The following MGAT4C variants were observed in gnomAD, a reference collection of about 807,000 sequenced individuals.
MGAT4C encodes MGAT4 family member C, also known as alpha-1,3-mannosyl-glycoprotein 4-beta-N-acetylglucosaminyltransferase C.
Under a neutral mutation model 40.1 loss-of-function variants are expected in MGAT4C, and 19 were observed. The observed-to-expected ratio is 0.47, with a 90% CI of 0.33 to 0.70. The LOEUF is 0.70. MGAT4C is among the 30% of genes least tolerant of loss of function. The pLI is 0.02. For synonymous variants in MGAT4C, 181 were observed against 187.1 expected (o/e 0.97, Z 0.27); for missense variants, 491 against 563.2 (o/e 0.87, Z 1.30).
chr12:86,793,283 G>A (rs1261259879), intron 1 of MGAT4C, among the ~76,000 whole-genome samples: 1 of 152,116 alleles, frequency 6.6e-6, no homozygotes. Flanking sequence ...CAGAAAAGAA[G>A]TGATTTATGG....
At chr12:86,228,546 A>C (rs2136007303) in intron 1 of MGAT4C, among the ~76,000 whole-genome samples, 1 of 151,956 alleles carries the variant, frequency 6.6e-6, no homozygotes, top group South Asian at 2.1e-4. Flanking sequence ...TTTTGGGGAG[A>C]AGCAGGAATC....
At chr12:86,553,831 C>T (rs936490938) in intron 2 of MGAT4C, among the ~76,000 whole-genome samples, 3 of 152,106 alleles carry the variant, frequency 2.0e-5, no homozygotes, top group Non-Finnish European at 4.4e-5. Context: ...CTACTTCACT[C>T]ATCTAAGCAT....
chr12:86,749,165 C>T (rs757462005), intron 1 of MGAT4C, among the ~76,000 whole-genome samples: 5 of 151,488 alleles, frequency 3.3e-5, no homozygotes, highest in African/African-American at 1.2e-4. Context: ...ATAATTGAAT[C>T]GTGGTTTTTC....
At chr12:86,424,043 T>C (rs898755133) in intron 3 of MGAT4C, among the ~76,000 whole-genome samples, 4 of 152,184 alleles carry the variant, frequency 2.6e-5, no homozygotes, top group African/African-American at 4.8e-5. Context: ...GGCCTGGTTA[T>C]TTGTGTAAGG....
intron 1 of MGAT4C, among the ~76,000 whole-genome samples, chr12:86,236,569 G>T (rs1951556313): frequency 6.6e-6 from 1 of 151,888 alleles, no homozygotes; most frequent in Non-Finnish European, 1.5e-5. Context: ...ACAAAACCAA[G>T]TGCCAAAAAG....
intron 2 of MGAT4C, among the ~76,000 whole-genome samples, chr12:86,502,077 A>G (rs548780994): frequency 6.6e-6 from 1 of 152,260 alleles, no homozygotes; most frequent in Admixed American, 6.6e-5. Context: ...ACATAATTCA[A>G]CAAGATGTCC....
chr12:86,309,042 A>G (rs1954007858), intron 4 of MGAT4C, among the ~76,000 whole-genome samples: 1 of 150,610 alleles, frequency 6.6e-6, no homozygotes, highest in Non-Finnish European at 1.5e-5. Context: ...TTCTGCTTCC[A>G]TAATAATGAT....
In MGAT4C at chr12:86,037,968, C is replaced by T. The variant is rs556870037; in HGVS notation, c.-7+11706G>A. 6.7e-5 allele frequency among the ~76,000 whole-genome samples: 10 copies of T among 149,282 alleles called. 1 individual carries two copies. The highest frequency in any genetic ancestry group is 1.9e-4 in the East Asian group (1 of 5,148). On this transcript the variant is annotated intron_variant, in intron 2 of 4. Coordinates refer to ENST00000611864, the MANE Select transcript of MGAT4C (RefSeq NM_001351288.2). ...ACCCAACACCAGGTCATGGGGGTGA[C>T]GAAGTCCAGTGGAGTCAAAGGAATG...
chr12:85,964,616 C>A lies in MGAT4C; in HGVS notation c.*14673G>T, dbSNP rs1037182116. 2.6e-5 allele frequency: 4 copies of A among 152,100 alleles called. No individual in the cohort carries two copies. The highest frequency in any genetic ancestry group is 5.9e-5 in the Non-Finnish European group (4 of 68,016). The allele number at this position is 152,100 out of a possible 1,614,324, so 9.4% of individuals were successfully genotyped here. A position where few individuals can be genotyped will look rare whatever the true frequency, so the allele number is the denominator to read the frequency against. On this transcript the variant is annotated 3_prime_UTR_variant, in exon 5 of 5. Transcript: ENST00000611864. ...TTTAAGGAAGGTAAGATACTCTTAT[C>A]CTACATATACGCCAGAAAAATTGCT...
chr12:86,100,216 C>A (rs1291796497), intron 1 of MGAT4C, among the ~76,000 whole-genome samples: 1 of 151,360 alleles, frequency 6.6e-6, no homozygotes, highest in East Asian at 1.9e-4. Flanking sequence ...ATTACTGTTA[C>A]AATGCATTGG....
intron 1 of MGAT4C, among the ~76,000 whole-genome samples, chr12:86,829,835 A>C (rs1566019802): frequency 6.7e-6 from 1 of 150,234 alleles, no homozygotes; most frequent in Non-Finnish European, 1.5e-5. Flanking sequence ...CCTCACAATA[A>C]CTTGACTATT....
At chr12:86,151,526 C>T (rs987548266) in intron 1 of MGAT4C, among the ~76,000 whole-genome samples, 10 of 151,722 alleles carry the variant, frequency 6.6e-5, no homozygotes, top group Admixed American at 2.6e-4. Context: ...GGCAGGAGAA[C>T]GGCGTGAACC....
intron 4 of MGAT4C, among the ~76,000 whole-genome samples, chr12:86,272,114 A>G (rs979934540): frequency 2.0e-5 from 3 of 152,222 alleles, no homozygotes; most frequent in Non-Finnish European, 4.4e-5. Context: ...TAACAAAAAT[A>G]TACTGGGGCT....
intron 1 of MGAT4C, among the ~76,000 whole-genome samples, chr12:86,768,709 C>T (rs550591982): frequency 4.6e-5 from 7 of 152,096 alleles, no homozygotes; most frequent in South Asian, 2.1e-4. Flanking sequence ...TCAGAAATAA[C>T]GCCGCATATC....
intron 2 of MGAT4C, among the ~76,000 whole-genome samples, chr12:86,023,671 C>T (rs1209607919): frequency 2.7e-5 from 4 of 150,334 alleles, no homozygotes; most frequent in Non-Finnish European, 5.9e-5. Context: ...TGCATCCAAG[C>T]TTCAAATAGA....
At chr12:86,286,392 G>C (rs1953352689) in intron 4 of MGAT4C, among the ~76,000 whole-genome samples, 1 of 152,096 alleles carries the variant, frequency 6.6e-6, no homozygotes, top group South Asian at 2.1e-4. Context: ...TTTCAAAATT[G>C]GTAGTACTTA....
chr12:86,502,697 C>A (rs897541423), intron 2 of MGAT4C, among the ~76,000 whole-genome samples: 1 of 141,654 alleles, frequency 7.1e-6, no homozygotes, highest in African/African-American at 2.6e-5. Flanking sequence ...CATATATATA[C>A]ACGAGATCTG....
At chr12:86,342,498 G>A (rs1274668332) in intron 3 of MGAT4C, among the ~76,000 whole-genome samples, 4 of 152,066 alleles carry the variant, frequency 2.6e-5, no homozygotes, top group Non-Finnish European at 5.9e-5. Context: ...AAGACCCTAA[G>A]TGCCTCATCC....
At chr12:86,553,293 C>G (rs1959453306) in intron 2 of MGAT4C, among the ~76,000 whole-genome samples, 1 of 151,956 alleles carries the variant, frequency 6.6e-6, no homozygotes. Flanking sequence ...TGGGCCATTT[C>G]TTTTTAGGGG....
Sources: allele counts gnomAD v4.1 joint callset (sites outside exome capture counted in the v4.1 genomes callset), GRCh38; gene constraint gnomAD v4.1.1; transcripts MANE v1.5; gene names NCBI Gene and HGNC (gene_info 2026-07-23, HGNC 2026-07-21).